ZNF385B: variants seen among roughly 807,000 people sequenced by gnomAD.
ZNF385B encodes zinc finger protein 385B.
ZNF385B carries 23 observed loss-of-function variants against 39.2 expected under a neutral mutation model. That is an observed-to-expected ratio of 0.59 (90% CI 0.42 to 0.83). The LOEUF (loss-of-function observed/expected upper bound fraction) is 0.83, where lower values mean the gene tolerates loss of function less well. ZNF385B is among the 40% of genes least tolerant of loss of function. ZNF385B has a pLI of 0.00. For missense variants in ZNF385B, 552 were observed against 598.9 expected (o/e 0.92, Z 0.82); for synonymous variants, 205 against 222.6 (o/e 0.92, Z 0.70).
intron 3 of ZNF385B, among the ~76,000 whole-genome samples, chr2:179,720,289 T>C (rs1700599531): frequency 1.3e-5 from 2 of 151,460 alleles, no homozygotes; most frequent in African/African-American, 4.9e-5. Context: ...AGAATACATT[T>C]AGAATAAAAA....
chr2:179,815,859 G>C lies in ZNF385B; in HGVS notation c.-154-45187C>G, dbSNP rs542017148. ...CTATTAACCCTTCTTAGATGCCTTT[G>C]CTGGTACCTTTTCATCTATCTGATT... On this transcript the variant is annotated intron_variant, in intron 1 of 9. Transcript: ENST00000410066. Among the ~76,000 whole-genome samples, 4 of 152,246 alleles carry C rather than the reference G, an allele frequency of 2.6e-5. No homozygotes were observed. In the South Asian group the frequency reaches 8.3e-4, roughly 32 times the overall value.
chr2:179,449,334 T>G (rs2049838279), intron 6 of ZNF385B, among the ~76,000 whole-genome samples: 1 of 152,098 alleles, frequency 6.6e-6, no homozygotes, highest in Non-Finnish European at 1.5e-5. Context: ...AGAATAGGGT[T>G]GAAAATGAGT....
At chr2:179,475,019 C>T (rs993191244) in intron 6 of ZNF385B, among the ~76,000 whole-genome samples, 1 of 152,158 alleles carries the variant, frequency 6.6e-6, no homozygotes, top group Admixed American at 6.5e-5. Flanking sequence ...TCTGGAATCA[C>T]AGCTAGTTAA....
At chr2:179,540,819 GA>G (rs2059876632) in intron 4 of ZNF385B, among the ~76,000 whole-genome samples, 1 of 152,168 alleles carries the variant, frequency 6.6e-6, no homozygotes, top group Non-Finnish European at 1.5e-5. Flanking sequence ...GGCTACTTTG[GA>G]AACACAAAGG....
intron 5 of ZNF385B, among the ~76,000 whole-genome samples, chr2:179,507,836 T>C (rs543746018): frequency 1.3e-5 from 2 of 152,134 alleles, no homozygotes; most frequent in Non-Finnish European, 2.9e-5. Flanking sequence ...TACTTCCTCA[T>C]ATGCTGTCTC....
At chr2:179,515,544 A>G (rs1045380202) in intron 5 of ZNF385B, among the ~76,000 whole-genome samples, 2 of 152,210 alleles carry the variant, frequency 1.3e-5, no homozygotes, top group Non-Finnish European at 2.9e-5. Flanking sequence ...ATTTCTCCGT[A>G]TAACTCTAAA....
chr2:179,700,197 T>C (rs1275040097), intron 3 of ZNF385B, among the ~76,000 whole-genome samples: 2 of 152,190 alleles, frequency 1.3e-5, no homozygotes, highest in Non-Finnish European at 2.9e-5. Context: ...CTGTCTTAAA[T>C]GATCCTTCTC....
chr2:179,553,294 C>T (rs940219963), intron 3 of ZNF385B, among the ~76,000 whole-genome samples: 3 of 148,668 alleles, frequency 2.0e-5, no homozygotes, highest in Non-Finnish European at 4.5e-5. Flanking sequence ...ATATATTTAT[C>T]TAAAAAGAAT....
chr2:179,586,436 T>C (rs558880083), intron 3 of ZNF385B, among the ~76,000 whole-genome samples: 27 of 152,346 alleles, frequency 1.8e-4, no homozygotes, highest in African/African-American at 6.3e-4. Context: ...TAAAGGAATT[T>C]AGTCTAAGCC....
intron 3 of ZNF385B, among the ~76,000 whole-genome samples, chr2:179,701,063 C>A (rs1179156519): frequency 6.6e-6 from 1 of 152,070 alleles, no homozygotes; most frequent in Admixed American, 6.6e-5. Flanking sequence ...TCATTGGTAT[C>A]ATCTATATCA....
At chr2:179,820,310 ATCT>A (rs1266547565) in intron 1 of ZNF385B, among the ~76,000 whole-genome samples, 1 of 152,006 alleles carries the variant, frequency 6.6e-6, no homozygotes, top group Non-Finnish European at 1.5e-5. Context: ...ATAATTTGTA[ATCT>A]TCTTTGACTC....
At chr2:179,775,446 A>G (rs1251720231) in intron 1 of ZNF385B, among the ~76,000 whole-genome samples, 1 of 152,228 alleles carries the variant, frequency 6.6e-6, no homozygotes, top group Admixed American at 6.5e-5. Context: ...AACTTCTTAC[A>G]TTGGAATGAA....
intron 5 of ZNF385B, among the ~76,000 whole-genome samples, chr2:179,505,275 TAA>T (rs1559362296): frequency 6.6e-6 from 1 of 151,898 alleles, no homozygotes; most frequent in Non-Finnish European, 1.5e-5. Flanking sequence ...CATCTTAATT[TAA>T]AAGTGTAATA....
chr2:179,666,298 C>A (rs1165055686), intron 3 of ZNF385B, among the ~76,000 whole-genome samples: 1 of 152,110 alleles, frequency 6.6e-6, no homozygotes, highest in East Asian at 1.9e-4. Context: ...GAAGTCAAAA[C>A]TGCTGAAATA....
At chr2:179,766,359 T>C (rs1396590975) in intron 3 of ZNF385B, among the ~76,000 whole-genome samples, 2 of 152,134 alleles carry the variant, frequency 1.3e-5, no homozygotes, top group Non-Finnish European at 2.9e-5. Flanking sequence ...GGGCATGAAA[T>C]GGGCTTCGAT....
intron 3 of ZNF385B, among the ~76,000 whole-genome samples, chr2:179,563,937 G>A (rs935460202): frequency 4.6e-5 from 7 of 152,144 alleles, no homozygotes; most frequent in African/African-American, 1.4e-4. Context: ...AATCATGACT[G>A]ATTCTTGGAG....
intron 3 of ZNF385B, among the ~76,000 whole-genome samples, chr2:179,733,578 T>C (rs538921804): frequency 1.3e-5 from 2 of 152,146 alleles, no homozygotes; most frequent in South Asian, 2.1e-4. Context: ...GTCAGGAGAT[T>C]GAGACTATCC....
intron 6 of ZNF385B, among the ~76,000 whole-genome samples, chr2:179,464,575 A>C (rs1043849519): frequency 6.6e-6 from 1 of 152,162 alleles, no homozygotes; most frequent in Non-Finnish European, 1.5e-5. Context: ...ATGGCTAGCC[A>C]GTTTTCCCAA....
intron 3 of ZNF385B, among the ~76,000 whole-genome samples, chr2:179,658,766 C>A (rs1318699155): frequency 6.6e-6 from 1 of 152,150 alleles, no homozygotes; most frequent in Admixed American, 6.5e-5. Flanking sequence ...ATCAAACATT[C>A]CTTAAAATAG....
Sources: allele counts gnomAD v4.1 joint callset (sites outside exome capture counted in the v4.1 genomes callset), GRCh38; gene constraint gnomAD v4.1.1; transcripts MANE v1.5; gene names NCBI Gene and HGNC (gene_info 2026-07-23, HGNC 2026-07-21).